OCA2: variants seen among roughly 807,000 people sequenced by gnomAD.
The protein encoded by OCA2 is OCA2 melanosomal transmembrane protein, also known as P protein.
A neutral mutation model predicts 100.2 loss-of-function variants in OCA2; 77 were observed. The ratio of observed to expected loss-of-function variants is 0.77; its 90% CI spans 0.64 to 0.93. The LOEUF is 0.93. Ranked by LOEUF, OCA2 falls within the 40% of genes least tolerant of loss-of-function variation. The pLI, the probability that OCA2 is intolerant of heterozygous loss-of-function variation, is 0.00. For synonymous variants in OCA2, 432 were observed against 439.2 expected (o/e 0.98, Z 0.21); for missense variants, 1,062 against 1,089.1 (o/e 0.98, Z 0.35).
chr15:27,867,831 G>T (rs2036385284), intron 21 of OCA2, among the ~76,000 whole-genome samples: 2 of 152,182 alleles, frequency 1.3e-5, no homozygotes, highest in South Asian at 4.1e-4. Context: ...GAGAAAATTT[G>T]AACATTTCAT....
At chr15:27,831,938 T>TCCAGTGCC (rs1248649621) in intron 23 of OCA2, among the ~76,000 whole-genome samples, 4 of 152,094 alleles carry the variant, frequency 2.6e-5, no homozygotes, top group African/African-American at 9.7e-5. Context: ...CAGGCTGACG[T>TCCAGTGCC]CCAGTGCCCG....
chr15:27,858,897 AAG>A (rs1349276560), intron 21 of OCA2, among the ~76,000 whole-genome samples: 1 of 152,066 alleles, frequency 6.6e-6, no homozygotes, highest in Non-Finnish European at 1.5e-5. Context: ...CAGAAGGAAA[AAG>A]AGAAAATTTA....
At position 27,845,053 on chromosome 15, in the gene OCA2, C is replaced by A; in HGVS notation, c.2339-1G>T. 1 of 1,612,882 alleles carries A rather than the reference C, an allele frequency of 6.2e-7. No homozygotes were observed. Among genetic ancestry groups the A allele is most frequent in the Non-Finnish European group, 8.5e-7 (1 of 1,179,038 alleles). ...GACGCGCCAATCAGTGTCCCGTTAC[C>A]TAAAGTCAAAATTTAAAAACAAAAT... On this transcript the variant is annotated splice_acceptor_variant, in intron 22 of 23. Transcript: ENST00000354638. LOFTEE classifies it high-confidence loss of function.
At chr15:27,894,289 C>G (rs934881145) in intron 19 of OCA2, among the ~76,000 whole-genome samples, 2 of 152,158 alleles carry the variant, frequency 1.3e-5, no homozygotes, top group Non-Finnish European at 2.9e-5. Context: ...CCTCTGGAGC[C>G]CCCAGTGACT....
chr15:27,824,602 C>CTCTA lies in OCA2; in HGVS notation c.2432+20356_2432+20357insTAGA. The stretch of plus-strand genomic sequence containing the variant: ...TTTCTCTCTCTCTCTCTCTCTCTCT[C>CTCTA]TATATATATATATATATATAATATA... On this transcript the variant is annotated intron_variant, in intron 23 of 23. Coordinates refer to ENST00000354638, the MANE Select transcript of OCA2 (RefSeq NM_000275.3). Among the ~76,000 whole-genome samples the CTCTA allele has an allele frequency of 1.2e-3, 59 of 47,598 alleles. 2 individuals are homozygous for CTCTA. Among genetic ancestry groups the CTCTA allele is most frequent in the African/African-American group, 8.1e-3 (51 of 6,326 alleles). 31.2% of individuals were successfully genotyped at this position (47,598 alleles called of 152,430 possible). A position where few individuals can be genotyped will look rare whatever the true frequency, so the allele number is the denominator to read the frequency against.
chr15:27,986,790 T>C (rs1567196231), intron 11 of OCA2, 147 bp from the exon 12 acceptor site: 2 of 725,258 alleles, frequency 2.8e-6, no homozygotes, highest in South Asian at 3.1e-5. Context: ...AGAAAGACCG[T>C]CACTTCCTGG....
intron 15 of OCA2, among the ~76,000 whole-genome samples, chr15:27,964,604 A>G (rs1246976177): frequency 6.6e-6 from 1 of 152,196 alleles, no homozygotes; most frequent in African/African-American, 2.4e-5. Flanking sequence ...GGCGGGGGGT[A>G]CAAAGCCAAC....
At chr15:27,805,399 G>T (rs2151192957) in intron 23 of OCA2, among the ~76,000 whole-genome samples, 1 of 152,386 alleles carries the variant, frequency 6.6e-6, no homozygotes, top group Admixed American at 6.5e-5. Context: ...GCGGCTGGGT[G>T]TTCCAGATGC....
intron 18 of OCA2, among the ~76,000 whole-genome samples, chr15:27,946,624 C>T (rs2039847394): frequency 6.6e-6 from 1 of 152,180 alleles, no homozygotes; most frequent in Non-Finnish European, 1.5e-5. Flanking sequence ...GCGAATCGTT[C>T]ATCATTCAAT....
At chr15:27,728,634 C>A in the OCA2 span, among the ~76,000 whole-genome samples, 1 of 152,318 alleles carries the variant, frequency 6.6e-6, no homozygotes, top group East Asian at 1.9e-4. Context: ...CAGGTAATCC[C>A]ATCTCTACTT....
intron 14 of OCA2, 23 bp from the exon 15 acceptor site, chr15:27,966,845 G>A (rs2040586625): frequency 6.3e-7 from 1 of 1,599,430 alleles, no homozygotes; most frequent in Non-Finnish European, 8.5e-7. Flanking sequence ...AAGGGGAAAT[G>A]AAATGGCAGC....
chr15:27,831,297 A>AAAAAAAAAAAAAG, intron 23 of OCA2, among the ~76,000 whole-genome samples: 1 of 151,088 alleles, frequency 6.6e-6, no homozygotes, highest in Non-Finnish European at 1.5e-5. Flanking sequence ...AAAAAAAAAA[A>AAAAAAAAAAAAAG]AAAAAAAAAT....
chr15:27,879,987 T>A (rs1426427353), intron 19 of OCA2, among the ~76,000 whole-genome samples: 1 of 152,134 alleles, frequency 6.6e-6, no homozygotes, highest in African/African-American at 2.4e-5. Context: ...AATTTTGGGT[T>A]TTATATTTAA....
Position 27,886,560 on chromosome 15 carries a change from C to T in OCA2, c.2080-14638G>A, listed in dbSNP as rs1042056265. Among the ~76,000 whole-genome samples, 5 of 151,986 alleles carry T rather than the reference C, an allele frequency of 3.3e-5. 1 individual carries two copies. In the South Asian group the frequency reaches 8.3e-4, roughly 25 times the overall value. ...CTTCAAAACACTGAAAAACAAGATG[C>T]AAAGAAACTTTAACAATATACAACA... is the stretch of plus-strand genomic sequence containing the variant. On this transcript the variant is annotated intron_variant, in intron 19 of 23. Transcript: ENST00000354638.
At chr15:28,071,828 T>G (rs993018711) in intron 2 of OCA2, among the ~76,000 whole-genome samples, 9 of 152,184 alleles carry the variant, frequency 5.9e-5, no homozygotes, top group African/African-American at 2.2e-4. Flanking sequence ...GGAAGACAAC[T>G]TAGGAAATAC....
At chr15:27,744,327 G>T in the OCA2 span, among the ~76,000 whole-genome samples, 3 of 152,176 alleles carry the variant, frequency 2.0e-5, no homozygotes, top group Non-Finnish European at 4.4e-5. Flanking sequence ...AAAGCAGGAT[G>T]GTGGGAACTT....
chr15:28,084,919 A>T (rs1348456036), intron 1 of OCA2, among the ~76,000 whole-genome samples: 1 of 152,176 alleles, frequency 6.6e-6, no homozygotes, highest in African/African-American at 2.4e-5. Context: ...TTTATAGGCT[A>T]TTACGTGTCA....
chr15:28,036,017 A>G (rs2043036026), intron 2 of OCA2, among the ~76,000 whole-genome samples: 1 of 152,234 alleles, frequency 6.6e-6, no homozygotes. Context: ...TCACACATAT[A>G]CATATTCACG....
intron 23 of OCA2, among the ~76,000 whole-genome samples, chr15:27,821,884 C>T (rs2151274188): frequency 6.6e-6 from 1 of 152,268 alleles, no homozygotes; most frequent in East Asian, 1.9e-4. Context: ...ACTCTACCTC[C>T]TTGTCTGTGT....
Sources: allele counts gnomAD v4.1 joint callset (sites outside exome capture counted in the v4.1 genomes callset), GRCh38; gene constraint gnomAD v4.1.1; transcripts MANE v1.5; gene names NCBI Gene and HGNC (gene_info 2026-07-23, HGNC 2026-07-21).